The following WDFY4 variants were observed in gnomAD, a reference collection of about 807,000 sequenced individuals.
WDFY4 encodes WD repeat- and FYVE domain-containing protein 4.
WDFY4 carries 169 observed loss-of-function variants against 351.9 expected under a neutral mutation model. That is an observed-to-expected ratio of 0.48 (90% CI 0.42 to 0.55). The LOEUF is 0.55. Ranked by LOEUF, WDFY4 falls within the 20% of genes least tolerant of loss-of-function variation. The probability of loss-of-function intolerance (pLI) is 0.00; values close to 1 mark genes in which losing one functional copy is unlikely to be tolerated. For missense variants in WDFY4, 3,803 were observed against 3,935.6 expected (o/e 0.97, Z 0.90); for synonymous variants, 1,622 against 1,574.6 (o/e 1.03, Z -0.71).
rs112845263 is a variant in WDFY4 at position 48,740,155 on chromosome 10, A to C, written c.1879-2813A>C. 8.8e-4 allele frequency among the ~76,000 whole-genome samples: 134 copies of C among 152,304 alleles called. 1 individual carries two copies. Among genetic ancestry groups the C allele is most frequent in the African/African-American group, 3.1e-3 (128 of 41,562 alleles). ...CCATTGAAAGCACTCACATAAATTT[A>C]GTCTGTTTAACATTGTAGAGCTTAA... On this transcript the variant is annotated intron_variant, in intron 11 of 61. Coordinates refer to ENST00000325239, the MANE Select transcript of WDFY4 (RefSeq NM_001394531.1).
At chr10:48,945,634 A>T (rs1201072738) in intron 49 of WDFY4, among the ~76,000 whole-genome samples, 2 of 152,238 alleles carry the variant, frequency 1.3e-5, no homozygotes, top group Non-Finnish European at 2.9e-5. Context: ...TCCTCCCTGA[A>T]CAGATGACTT....
At chr10:48,982,174 C>T (rs763192862) in intron 61 of WDFY4, among the ~76,000 whole-genome samples, 2 of 152,174 alleles carry the variant, frequency 1.3e-5, no homozygotes, top group Non-Finnish European at 2.9e-5. Context: ...GAGAACTTGC[C>T]ATTTGTTCTG....
chr10:48,925,409 C>A (rs374110496), intron 47 of WDFY4, among the ~76,000 whole-genome samples: 6 of 152,218 alleles, frequency 3.9e-5, no homozygotes, highest in Admixed American at 6.5e-5. Flanking sequence ...CCGCTGAAAT[C>A]AGCACTAACT....
chr10:48,888,223 A>T (rs1287583163), intron 43 of WDFY4, among the ~76,000 whole-genome samples: 1 of 151,794 alleles, frequency 6.6e-6, no homozygotes, highest in African/African-American at 2.4e-5. Context: ...GACATTTATC[A>T]TTTATCCTCA....
chr10:48,856,047 A>G (rs923864423), intron 39 of WDFY4, among the ~76,000 whole-genome samples: 1 of 152,150 alleles, frequency 6.6e-6, no homozygotes, highest in African/African-American at 2.4e-5. Context: ...TATTGTAACT[A>G]TATTTTTAAA....
chr10:48,911,526 T>C (rs1242337658), intron 47 of WDFY4, among the ~76,000 whole-genome samples: 1 of 152,226 alleles, frequency 6.6e-6, no homozygotes, highest in Non-Finnish European at 1.5e-5. Context: ...AACTTAAAGG[T>C]ACAACAGTAA....
intron 47 of WDFY4, chr10:48,913,541 A>G (rs751123396): frequency 3.7e-6 from 6 of 1,613,360 alleles, no homozygotes; most frequent in East Asian, 2.2e-5. Context: ...CCGCACACAG[A>G]TCCTTCTCCT....
intron 43 of WDFY4, among the ~76,000 whole-genome samples, chr10:48,884,684 C>T (rs538469513): frequency 5.3e-5 from 8 of 152,298 alleles, no homozygotes; most frequent in African/African-American, 9.6e-5. Context: ...CCAAAATTTC[C>T]GGCTGGTTCA....
chr10:48,776,933 C>T lies in WDFY4; in HGVS notation c.3047C>T (p.Ala1016Val), dbSNP rs1192248995. The change falls in exon 16 of 62, where the codon GCA (alanine) becomes GTA (valine). Residue 1016 changes from alanine to valine, a missense_variant. Ala to Val is a moderately conservative substitution (Grantham distance 64, BLOSUM62 0). Transcript: ENST00000325239. ...CCACGCAACCTGCAGCCTCAGAGGG[C>T]AGCCCTGGCCCCATCGTTTGTGGAA... Reference protein sequence around the residue: ...TSPRNLQPQRAALAPSFVEFD... With the variant: ...TSPRNLQPQRVALAPSFVEFD... The T allele has an allele frequency of 3.2e-6, 5 of 1,552,354 alleles. No individual in the cohort carries two copies. Among genetic ancestry groups the T allele is most frequent in the Non-Finnish European group, 4.4e-6 (5 of 1,147,132 alleles).
Position 48,897,563 on chromosome 10 carries a change from T to C in WDFY4, c.7426T>C (p.Phe2476Leu). Residue 2476 changes from phenylalanine (F) to leucine (L), a missense_variant, in exon 45 of 62, where the codon TTC becomes CTC. Physicochemically the swap from Phe to Leu is conservative, Grantham distance 22 (BLOSUM62 0). Transcript: ENST00000325239. ...CATGCGGGAGCTACGGCAGGCTCGC[T>C]TCCTCCTGCAGGTAAGCACACTGGG... ...ADMRELRQAR[F>L]LLQDIALEIF... The C allele has an allele frequency of 6.5e-7, 1 of 1,547,488 alleles. No individual in the cohort carries two copies.
intron 11 of WDFY4, among the ~76,000 whole-genome samples, chr10:48,742,668 C>T (rs149539605): frequency 6.6e-6 from 1 of 152,274 alleles, no homozygotes; most frequent in East Asian, 1.9e-4. Context: ...TGTGTGAGCA[C>T]TCGACCTGGG....
intron 47 of WDFY4, among the ~76,000 whole-genome samples, chr10:48,924,429 A>G (rs527684656): frequency 6.6e-6 from 1 of 152,368 alleles, no homozygotes; most frequent in African/African-American, 2.4e-5. Flanking sequence ...AGTGGGATCA[A>G]CCCACACAAG....
Position 48,721,201 on chromosome 10 carries a change from A to T in WDFY4, c.350-60A>T. 4 of 1,493,558 alleles carry T rather than the reference A, an allele frequency of 2.7e-6. No individual in the cohort carries two copies. The South Asian group carries it at 4.8e-5, about 18-fold the overall frequency. The allele number at this position is 1,493,558 out of a possible 1,614,324, so 92.5% of individuals were successfully genotyped here. The stretch of plus-strand genomic sequence containing the variant: ...ATCTCCTGGGAAGAGGGGGCCCTGG[A>T]TGGAGGGGAAGCTGAGTGGGCAGGT... On this transcript the variant is annotated intron_variant, in intron 3 of 61. Transcript: ENST00000325239.
chr10:48,934,981 G>A lies in WDFY4; in HGVS notation c.7587-6825G>A, dbSNP rs1025841360. 2.6e-5 allele frequency among the ~76,000 whole-genome samples: 4 copies of A among 152,294 alleles called. 1 individual carries two copies. Among genetic ancestry groups the A allele is most frequent in the Admixed American group, 2.0e-4 (3 of 15,298 alleles). ...GCTGCCCTTCCTGACTGGGGCTCAG[G>A]CAAGCTTCCTCCTCTCCTAAATAAT... On this transcript the variant is annotated intron_variant, in intron 47 of 61. Coordinates refer to ENST00000325239, the MANE Select transcript of WDFY4 (RefSeq NM_001394531.1).
intron 9 of WDFY4, 78 bp from the exon 10 acceptor site, chr10:48,733,853 T>G (rs1033296857): frequency 2.4e-5 from 30 of 1,269,040 alleles, no homozygotes; most frequent in Non-Finnish European, 3.2e-5. Flanking sequence ...CTTAAGAGGA[T>G]AGAAAGCTGG....
intron 23 of WDFY4, among the ~76,000 whole-genome samples, chr10:48,796,084 A>G (rs1023910468): frequency 1.3e-5 from 2 of 152,202 alleles, no homozygotes; most frequent in Non-Finnish European, 2.9e-5. Context: ...CATGGAAAAG[A>G]TGCAGGGAAA....
At chr10:48,934,884 A>C (rs7393414) in intron 47 of WDFY4, among the ~76,000 whole-genome samples, 148,270 of 152,284 alleles carry the variant, frequency 0.97, 72,308 homozygotes, top group East Asian at 1. Flanking sequence ...CAAAGCACCA[A>C]TGACTTGCAC....
rs539729027 is a variant in WDFY4, at chr10:48,813,800, G to T, written c.5215-157G>T. ...TGTTTCCCTTATGCACCATCTACTG[G>T]GGTGAAATTGTTCCTATGGATCAAC... On this transcript the variant is annotated intron_variant, in intron 30 of 61. Coordinates refer to ENST00000325239, the MANE Select transcript of WDFY4 (RefSeq NM_001394531.1). 2.0e-5 allele frequency among the ~76,000 whole-genome samples: 3 copies of T among 152,248 alleles called. No individual in the cohort carries two copies. In the East Asian group the frequency reaches 5.8e-4, roughly 29 times the overall value.
chr10:48,954,261 T>A (rs529217402), intron 51 of WDFY4, among the ~76,000 whole-genome samples: 1 of 152,370 alleles, frequency 6.6e-6, no homozygotes, highest in East Asian at 1.9e-4. Context: ...CAGAATCCTC[T>A]AGGCTTGGCT....
Sources: gnomAD v4.1 joint callset for allele counts (sites outside exome capture counted in the v4.1 genomes callset) on GRCh38, gnomAD v4.1.1 for gene constraint, MANE v1.5 for transcripts, NCBI Gene and HGNC (gene_info 2026-07-23, HGNC 2026-07-21) for gene names.